Variants in SLC10A7 observed in about 807,000 individuals in gnomAD.
SLC10A7 encodes the protein sodium/bile acid cotransporter 7.
A neutral mutation model predicts 43.2 loss-of-function variants in SLC10A7; 29 were observed. That is an observed-to-expected ratio of 0.67 (90% CI 0.50 to 0.92). The LOEUF (loss-of-function observed/expected upper bound fraction) is 0.92. Ranked by LOEUF, SLC10A7 falls within the 40% of genes least tolerant of loss-of-function variation. The pLI, the probability that SLC10A7 is intolerant of heterozygous loss-of-function variation, is 0.00. For synonymous variants in SLC10A7, 152 were observed against 144.8 expected (o/e 1.05, Z -0.35); for missense variants, 295 against 403.2 (o/e 0.73, Z 2.30).
At position 146,262,027 on chromosome 4, in the gene SLC10A7, C is replaced by A. The variant is rs576972533; in HGVS notation, c.848-3190G>T. ...TTTTCTGACTAACTTCCACCAAAAG[C>A]ATTTCCCCCACTGCTCTATGGACTT... On this transcript the variant is annotated intron_variant, in intron 10 of 11. Coordinates refer to ENST00000335472, the MANE Select transcript of SLC10A7 (RefSeq NM_001029998.6). Among the ~76,000 whole-genome samples the A allele has an allele frequency of 7.2e-5, 11 of 152,342 alleles. No individual in the cohort carries two copies. In the East Asian group the frequency reaches 1.7e-3, roughly 24 times the overall value.
intron 5 of SLC10A7, among the ~76,000 whole-genome samples, chr4:146,340,311 A>G (rs1295412669): frequency 6.6e-6 from 1 of 151,854 alleles, no homozygotes; most frequent in East Asian, 1.9e-4. Context: ...GAACTGGTCA[A>G]TGGACTTTTT....
chr4:146,433,472 A>ATATAAAATATATATTATATATATAAAAT (rs1729950813), intron 5 of SLC10A7, among the ~76,000 whole-genome samples: 2 of 152,214 alleles, frequency 1.3e-5, no homozygotes, highest in Non-Finnish European at 2.9e-5. Context: ...AATTATAATT[A>ATATAAAATATATATTATATATATAAAAT]AGATAAAATA....
At chr4:146,361,397 A>C (rs1736038308) in intron 5 of SLC10A7, among the ~76,000 whole-genome samples, 1 of 152,234 alleles carries the variant, frequency 6.6e-6, no homozygotes, top group Admixed American at 6.5e-5. Flanking sequence ...ATCATCAAGA[A>C]GGTTGTAAAG....
chr4:146,326,935 C>T (rs34119359), intron 5 of SLC10A7, among the ~76,000 whole-genome samples: 11,802 of 44,938 alleles, frequency 0.26, 560 homozygotes, highest in South Asian at 0.44. Flanking sequence ...CACACACACA[C>T]ACACACACAC....
At chr4:146,305,327 A>C (rs1731480109) in intron 7 of SLC10A7, among the ~76,000 whole-genome samples, 1 of 151,260 alleles carries the variant, frequency 6.6e-6, no homozygotes, top group Admixed American at 6.6e-5. Context: ...TCGCAACAAC[A>C]AAAAACCAAA....
intron 6 of SLC10A7, among the ~76,000 whole-genome samples, chr4:146,323,451 C>G (rs908257959): frequency 2.0e-5 from 3 of 152,110 alleles, no homozygotes; most frequent in Non-Finnish European, 2.9e-5. Context: ...ATATGGCTAG[C>G]CAGTTTTCCC....
chr4:146,263,745 C>T (rs1225163276), intron 10 of SLC10A7, among the ~76,000 whole-genome samples: 1 of 152,178 alleles, frequency 6.6e-6, no homozygotes, highest in African/African-American at 2.4e-5. Flanking sequence ...TTTAAGCTGT[C>T]ATGCTGAAAA....
chr4:146,464,042 C>A (rs2149944437), intron 4 of SLC10A7, among the ~76,000 whole-genome samples: 1 of 151,762 alleles, frequency 6.6e-6, no homozygotes, highest in East Asian at 2.0e-4. Context: ...CCAGGCTGGT[C>A]TTGAATTCCT....
intron 5 of SLC10A7, among the ~76,000 whole-genome samples, chr4:146,425,425 T>C (rs1422879034): frequency 6.6e-6 from 1 of 152,184 alleles, no homozygotes; most frequent in African/African-American, 2.4e-5. Flanking sequence ...CATGTGTCTG[T>C]TGGATACCTA....
intron 5 of SLC10A7, among the ~76,000 whole-genome samples, chr4:146,399,672 G>A (rs570704580): frequency 6.6e-6 from 1 of 152,280 alleles, no homozygotes; most frequent in South Asian, 2.1e-4. Context: ...TCAGATACGG[G>A]GAGGGGAAGA....
chr4:146,310,072 AT>A (rs1412885877), intron 6 of SLC10A7, among the ~76,000 whole-genome samples: 1 of 151,954 alleles, frequency 6.6e-6, no homozygotes, highest in East Asian at 1.9e-4. Flanking sequence ...AACATGTAGT[AT>A]TTTGTTTTCA....
intron 4 of SLC10A7, among the ~76,000 whole-genome samples, chr4:146,451,086 A>C (rs1353024121): frequency 1.3e-5 from 2 of 151,816 alleles, no homozygotes; most frequent in African/African-American, 4.8e-5. Context: ...TTTTAGAAGA[A>C]AATATGAAAC....
In SLC10A7 at chr4:146,482,136, T is replaced by C. The variant is rs1056858731; in HGVS notation, c.396+21713A>G. On this transcript the variant is annotated intron_variant, in intron 4 of 11. Coordinates refer to ENST00000335472, the MANE Select transcript of SLC10A7 (RefSeq NM_001029998.6). ...CAAGTCTTCCCCCAATGAAAGCCACTCTATAAAGTTTGGAAGAGGTGATCG... is the reference window on the plus strand; with the variant it reads ...CAAGTCTTCCCCCAATGAAAGCCACCCTATAAAGTTTGGAAGAGGTGATCG... Among the ~76,000 whole-genome samples the C allele has an allele frequency of 1.7e-4, 26 of 152,102 alleles. 1 individual carries two copies.
intron 4 of SLC10A7, among the ~76,000 whole-genome samples, chr4:146,444,452 A>G (rs1385913178): frequency 3.3e-5 from 5 of 152,212 alleles, no homozygotes; most frequent in African/African-American, 1.2e-4. Context: ...CTCAGAAGTC[A>G]AAGTAAAATA....
chr4:146,380,870 C>T (rs1182098527), intron 5 of SLC10A7, among the ~76,000 whole-genome samples: 1 of 151,836 alleles, frequency 6.6e-6, no homozygotes, highest in Non-Finnish European at 1.5e-5. Context: ...TATCTTGATT[C>T]CCAGAAGTTA....
intron 5 of SLC10A7, among the ~76,000 whole-genome samples, chr4:146,420,246 T>C (rs1445413729): frequency 6.6e-6 from 1 of 152,190 alleles, no homozygotes; most frequent in African/African-American, 2.4e-5. Context: ...AAATGAAATG[T>C]TTATTTATCT....
chr4:146,395,296 G>A (rs1426504999), intron 5 of SLC10A7, among the ~76,000 whole-genome samples: 1 of 152,168 alleles, frequency 6.6e-6, no homozygotes, highest in Admixed American at 6.5e-5. Flanking sequence ...AGCTGAGGCA[G>A]GAGGATTGCT....
At chr4:146,468,561 C>T (rs1270617574) in intron 4 of SLC10A7, among the ~76,000 whole-genome samples, 3 of 151,244 alleles carry the variant, frequency 2.0e-5, no homozygotes, top group Non-Finnish European at 4.4e-5. Flanking sequence ...CCTCTGCCTC[C>T]AGGGTTTAAG....
chr4:146,380,661 C>G (rs180841685), intron 5 of SLC10A7, among the ~76,000 whole-genome samples: 3 of 151,998 alleles, frequency 2.0e-5, no homozygotes, highest in African/African-American at 7.2e-5. Flanking sequence ...GTAGGCGATC[C>G]ATTGAGACTT....
Sources: gnomAD v4.1 joint callset for allele counts (sites outside exome capture counted in the v4.1 genomes callset) on GRCh38, gnomAD v4.1.1 for gene constraint, MANE v1.5 for transcripts, NCBI Gene and HGNC (gene_info 2026-07-23, HGNC 2026-07-21) for gene names.